Variants in HAS2 observed in about 807,000 individuals in gnomAD.
HAS2 encodes hyaluronan synthase 2, also known as HA synthase 2.
In HAS2, 16 loss-of-function variants were observed where a neutral mutation model predicts 51.6. The ratio of observed to expected loss-of-function variants is 0.31; its 90% CI spans 0.21 to 0.47. HAS2 has a LOEUF of 0.47. Ranked by LOEUF, HAS2 falls within the 20% of genes least tolerant of loss-of-function variation. The probability of loss-of-function intolerance (pLI) is 1.00; values close to 1 mark genes in which losing one functional copy is unlikely to be tolerated. For synonymous variants in HAS2, 228 were observed against 235.5 expected (o/e 0.97, Z 0.29); for missense variants, 361 against 662.6 (o/e 0.54, Z 5.00).
chr8:121,614,025 G>T lies in HAS2; in HGVS notation c.*84C>A. The T allele has an allele frequency of 6.2e-7, 1 of 1,604,544 alleles. No homozygotes were observed. Among genetic ancestry groups the T allele is most frequent in the South Asian group, 1.1e-5 (1 of 90,332 alleles). ...GCAGCAGTGATATGTCTCCTTTGGT[G>T]GCATTATCTGATGCCACAATACTGT... On this transcript the variant is annotated 3_prime_UTR_variant, in exon 4 of 4. Coordinates refer to ENST00000303924, the MANE Select transcript of HAS2 (RefSeq NM_005328.3). The surrounding 1 kb of genome is among the most constrained non-coding windows in gnomAD (Gnocchi z 7.2).
chr8:121,624,202 G>A (rs772988216), intron 2 of HAS2, among the ~76,000 whole-genome samples: 3 of 152,130 alleles, frequency 2.0e-5, no homozygotes, highest in Non-Finnish European at 4.4e-5. Flanking sequence ...CAGTCTTCTT[G>A]TGCTTAGATA....
rs1813101805 is a variant in HAS2, at chr8:121,641,288, C to A, written c.-436G>T. ...AAGACTCAGCAGAACCCAGGAAGCGCAGAATTGGGAGAAAAGTCTTTGGCT... is the reference window on the plus strand; with the variant it reads ...AAGACTCAGCAGAACCCAGGAAGCGAAGAATTGGGAGAAAAGTCTTTGGCT... On this transcript the variant is annotated 5_prime_UTR_variant, in exon 1 of 4. Transcript: ENST00000303924. 1 of 138,674 alleles carries A rather than the reference C, an allele frequency of 7.2e-6. No individual in the cohort carries two copies. Among genetic ancestry groups the A allele is most frequent in the South Asian group, 2.3e-4 (1 of 4,314 alleles). 8.6% of individuals were successfully genotyped at this position (138,674 alleles called of 1,614,324 possible). A position where few individuals can be genotyped will look rare whatever the true frequency, so the allele number is the denominator to read the frequency against.
At position 121,624,954 on chromosome 8, in the gene HAS2, C is replaced by T. The variant is rs1391316048; in HGVS notation, c.627+3760G>A. ...ACTAAAAATACAAAAAAAAATTAGCCAGGCGTGGTAGCGGGCGCCTGTAGT... is the reference window on the plus strand; with the variant it reads ...ACTAAAAATACAAAAAAAAATTAGCTAGGCGTGGTAGCGGGCGCCTGTAGT... On this transcript the variant is annotated intron_variant, in intron 2 of 3. Coordinates refer to ENST00000303924, the MANE Select transcript of HAS2 (RefSeq NM_005328.3). Among the ~76,000 whole-genome samples, 2 of 151,940 alleles carry T rather than the reference C, an allele frequency of 1.3e-5. 1 individual carries two copies. Among genetic ancestry groups the T allele is most frequent in the South Asian group, 4.2e-4 (2 of 4,808 alleles).
chr8:121,615,594 A>G (rs1812689606), intron 3 of HAS2, among the ~76,000 whole-genome samples: 2 of 151,892 alleles, frequency 1.3e-5, no homozygotes, highest in Non-Finnish European at 1.5e-5. Flanking sequence ...AAGTGCTGGG[A>G]TTACAGGCGT....
In HAS2 at chr8:121,612,250, G is replaced by C. The variant is rs1345677701; in HGVS notation, c.*1859C>G. The C allele has an allele frequency of 1.3e-5, 2 of 152,110 alleles. No homozygotes were observed. Among genetic ancestry groups the C allele is most frequent in the Non-Finnish European group, 2.9e-5 (2 of 68,020 alleles). The allele number at this position is 152,110 out of a possible 1,614,324, so 9.4% of individuals were successfully genotyped here. On this transcript the variant is annotated 3_prime_UTR_variant, in exon 4 of 4. Transcript: ENST00000303924. ...ATAAGAATGAGAGAATTTGACATTTGAATGTTATCAAAGCTTAACTTAGAA... is the reference window on the plus strand; with the variant it reads ...ATAAGAATGAGAGAATTTGACATTTCAATGTTATCAAAGCTTAACTTAGAA...
chr8:121,623,301 GT>G (rs774268519), intron 2 of HAS2, among the ~76,000 whole-genome samples: 2 of 152,102 alleles, frequency 1.3e-5, no homozygotes, highest in Non-Finnish European at 2.9e-5. Context: ...ATGAGTGAAA[GT>G]TATAAAAGGT....
chr8:121,622,106 A>G (rs1812781463), intron 2 of HAS2, among the ~76,000 whole-genome samples: 1 of 152,070 alleles, frequency 6.6e-6, no homozygotes, highest in Non-Finnish European at 1.5e-5. Flanking sequence ...AATGTGTAGC[A>G]TTTGTTCTTG....
intron 2 of HAS2, among the ~76,000 whole-genome samples, chr8:121,619,424 C>T (rs1317370084): frequency 6.6e-6 from 1 of 151,940 alleles, no homozygotes; most frequent in Non-Finnish European, 1.5e-5. Flanking sequence ...GGGTTAACTT[C>T]TGAATTTTTA....
intron 3 of HAS2, among the ~76,000 whole-genome samples, chr8:121,616,780 G>C: frequency 6.6e-6 from 1 of 152,222 alleles, no homozygotes; most frequent in Middle Eastern, 3.4e-3. Flanking sequence ...ATTTTTAGCA[G>C]AACATGAAAT....
At chr8:121,640,701 C>A (rs1813082462) in intron 1 of HAS2, among the ~76,000 whole-genome samples, 152 bp downstream of exon 1, 1 of 152,114 alleles carries the variant, frequency 6.6e-6, no homozygotes, top group Non-Finnish European at 1.5e-5. Context: ...CTGAAATATT[C>A]CCTGATCTTC....
rs1277194018 is a variant in HAS2, at chr8:121,612,424, A to C, written c.*1685T>G. On this transcript the variant is annotated 3_prime_UTR_variant, in exon 4 of 4. Coordinates refer to ENST00000303924, the MANE Select transcript of HAS2 (RefSeq NM_005328.3). ...AAGGTAGGATGTGCAGCTTTTTCTTAGGCAGGATAGATGTAACATAGATGA... is the reference window on the plus strand; with the variant it reads ...AAGGTAGGATGTGCAGCTTTTTCTTCGGCAGGATAGATGTAACATAGATGA... 6.6e-6 allele frequency: 1 copy of C among 152,156 alleles called. No homozygotes were observed. The highest frequency in any genetic ancestry group is 1.5e-5 in the Non-Finnish European group (1 of 68,026). The allele number at this position is 152,156 out of a possible 1,614,324, so 9.4% of individuals were successfully genotyped here.
intron 1 of HAS2, chr8:121,639,512 T>TG: frequency 6.6e-6 from 1 of 152,642 alleles, no homozygotes; most frequent in Non-Finnish European, 1.5e-5. Context: ...CGCGGACGTT[T>TG]GGGGGACGGA....
In HAS2 at chr8:121,613,389, T is replaced by G. The variant is rs1027908269; in HGVS notation, c.*720A>C. On this transcript the variant is annotated 3_prime_UTR_variant, in exon 4 of 4. Coordinates refer to ENST00000303924, the MANE Select transcript of HAS2 (RefSeq NM_005328.3). ...TACTTCTTTCACAGAAATAAACTAT[T>G]CAATTTTAAAAGGTAGAGAGAGAGA... 5 of 152,568 alleles carry G rather than the reference T, an allele frequency of 3.3e-5. No individual in the cohort carries two copies. The highest frequency in any genetic ancestry group is 5.9e-5 in the Non-Finnish European group (4 of 68,024). 9.5% of individuals were successfully genotyped at this position (152,568 alleles called of 1,614,324 possible).
Position 121,612,225 on chromosome 8 carries a change from A to C in HAS2, c.*1884T>G, listed in dbSNP as rs1185240328. 6.6e-6 allele frequency: 1 copy of C among 152,234 alleles called. No individual in the cohort carries two copies. Among genetic ancestry groups the C allele is most frequent in the Non-Finnish European group, 1.5e-5 (1 of 68,036 alleles). 9.4% of individuals were successfully genotyped at this position (152,234 alleles called of 1,614,324 possible). A position where few individuals can be genotyped will look rare whatever the true frequency, so the allele number is the denominator to read the frequency against. ...ATACAGGCAATTAATTCAACTTTTT[A>C]TAAGAATGAGAGAATTTGACATTTG... On this transcript the variant is annotated 3_prime_UTR_variant, in exon 4 of 4. Transcript: ENST00000303924.
chr8:121,614,573 A>G lies in HAS2; in HGVS notation c.1195T>C (p.Tyr399His). Reference sequence around the variant, plus strand: ...AGAATGTTCCAAATTTTACCCCGGTAGAAGAGCTGGATTACTGTGGCAATG... The same window carrying G: ...AGAATGTTCCAAATTTTACCCCGGTGGAAGAGCTGGATTACTGTGGCAATG... ...FLIATVIQLF[Y>H]RGKIWNILLF... The change falls in exon 4 of 4, where the codon TAC (tyrosine) becomes CAC (histidine). Residue 399 changes from tyrosine to histidine, a missense_variant. Coordinates refer to ENST00000303924, the MANE Select transcript of HAS2 (RefSeq NM_005328.3). The surrounding 1 kb of genome is among the most constrained non-coding windows in gnomAD (Gnocchi z 7.2). 1 of 1,614,060 alleles carries G rather than the reference A, an allele frequency of 6.2e-7. No homozygotes were observed. Among genetic ancestry groups the G allele is most frequent in the Non-Finnish European group, 8.5e-7 (1 of 1,179,878 alleles).
At chr8:121,631,029 T>C (rs1812923057) in intron 1 of HAS2, among the ~76,000 whole-genome samples, 1 of 152,282 alleles carries the variant, frequency 6.6e-6, no homozygotes. Context: ...ATCTGAGATA[T>C]GCCACTTCCA....
At chr8:121,629,404 G>C (rs1812899076) in intron 1 of HAS2, 64 bp from the exon 2 acceptor site, 1 of 1,248,336 alleles carries the variant, frequency 8.0e-7, no homozygotes, top group Non-Finnish European at 1.1e-6. Context: ...TATATACCTA[G>C]TATCATGGGG....
chr8:121,617,564 G>T (rs72609834), intron 2 of HAS2, among the ~76,000 whole-genome samples: 31,626 of 151,618 alleles, frequency 0.21, 4,297 homozygotes, highest in East Asian at 0.72. Flanking sequence ...GTAATGGTTG[G>T]TCCCCCTAGA....
chr8:121,614,190 A>G lies in HAS2; in HGVS notation c.1578T>C (p.Leu526=). The G allele has an allele frequency of 1.2e-6, 2 of 1,614,190 alleles. No individual in the cohort carries two copies. The highest frequency in any genetic ancestry group is 1.7e-6 in the Non-Finnish European group (2 of 1,180,028). ...TLLYACYWVM[L]LTLYVVLINK... ...TGATGAGAACTACATACAGCGTCAA[A>G]AGCATGACCCAATAGCATGCATAGA... The change falls in exon 4 of 4, where the codon CTT becomes CTC. Residue 526 remains leucine, a synonymous_variant. Coordinates refer to ENST00000303924, the MANE Select transcript of HAS2 (RefSeq NM_005328.3). The surrounding 1 kb of genome is among the most constrained non-coding windows in gnomAD (Gnocchi z 7.2).
Sources: gnomAD v4.1 joint callset for allele counts (sites outside exome capture counted in the v4.1 genomes callset) on GRCh38, gnomAD v4.1.1 for gene constraint, Gnocchi (gnomAD v3.1) non-coding constraint, MANE v1.5 for transcripts, NCBI Gene and HGNC (gene_info 2026-07-23, HGNC 2026-07-21) for gene names.